The following TPSD1 variants were observed in gnomAD, a reference collection of about 807,000 sequenced individuals.
TPSD1 encodes the protein tryptase delta.
A neutral mutation model predicts 25.4 loss-of-function variants in TPSD1; 30 were observed. That is an observed-to-expected ratio of 1.18 (90% CI 0.88 to 1.60). The LOEUF (loss-of-function observed/expected upper bound fraction) is 1.60, where lower values mean the gene tolerates loss of function less well. Ranked by LOEUF, TPSD1 falls within the 40% of genes most tolerant of loss-of-function variation. The pLI, the probability that TPSD1 is intolerant of heterozygous loss-of-function variation, is 0.00. For missense variants in TPSD1, 420 were observed against 324.2 expected, an observed-to-expected ratio of 1.30 and a Z score of -2.27; for synonymous variants, 176 against 149.4, an observed-to-expected ratio of 1.18 and a Z score of -1.30.
rs1191354114 is a variant in TPSD1, at chr16:1,256,683, G to T, written c.250G>T (p.Glu84Ter). Reference protein sequence around the residue: ...QWVLTAAHCVEPDIKDLAALR... With the variant: ...QWVLTAAHCV ...GGTGCTAACCGCGGCGCACTGCGTG[G>T]AACCGTGAGTCTCCTGGGGCCTGGA... is the stretch of plus-strand genomic sequence containing the variant. Residue 84 changes from glutamate to a stop codon, truncating the protein, a stop_gained, in exon 2 of 5, where the codon GAA becomes TAA. Coordinates refer to ENST00000211076, the MANE Select transcript of TPSD1 (RefSeq NM_012217.3). LOFTEE classifies it high-confidence loss of function. 1.2e-6 allele frequency: 2 copies of T among 1,611,488 alleles called. No homozygotes were observed. The highest frequency in any genetic ancestry group is 1.7e-6 in the Non-Finnish European group (2 of 1,178,976).
chr16:1,256,862 A>T lies in TPSD1; in HGVS notation c.320A>T (p.Gln107Leu). 1 of 1,613,608 alleles carries T rather than the reference A, an allele frequency of 6.2e-7. No homozygotes were observed. Among genetic ancestry groups the T allele is most frequent in the South Asian group, 1.1e-5 (1 of 91,062 alleles). ...LREQHLYYQD[Q>L]LLPVSRIIVH... ...GAGCAGCACCTCTACTACCAGGACC[A>T]GCTGCTGCCGGTCAGCAGGATCATC... The change falls in exon 3 of 5, where the codon CAG (glutamine) becomes CTG (leucine). Residue 107 changes from glutamine to leucine, a missense_variant. Physicochemically the swap from Gln to Leu is moderately radical, Grantham distance 113. Coordinates refer to ENST00000211076, the MANE Select transcript of TPSD1 (RefSeq NM_012217.3).
chr16:1,258,441 C>G lies in TPSD1; in HGVS notation c.*65C>G, dbSNP rs1338228331. ...CAGCCCAACCGGCCTGGCATCTACA[C>G]CCGTGTCACCTACTACTTGGACTGG... On this transcript the variant is annotated 3_prime_UTR_variant, in exon 5 of 5. Coordinates refer to ENST00000211076, the MANE Select transcript of TPSD1 (RefSeq NM_012217.3). 2.5e-6 allele frequency: 4 copies of G among 1,613,638 alleles called. No individual in the cohort carries two copies. The highest frequency in any genetic ancestry group is 3.4e-6 in the Non-Finnish European group (4 of 1,179,912).
rs199943898 is a variant in TPSD1 at position 1,258,387 on chromosome 16, G to C, written c.*11G>C. 44 of 1,611,434 alleles carry C rather than the reference G, an allele frequency of 2.7e-5. No homozygotes were observed. In the African/African-American group the frequency reaches 5.4e-4, roughly 20 times the overall value. The stretch of plus-strand genomic sequence containing the variant: ...GTGAATGGCACCTAACTGCAGGCGG[G>C]CGTGGTCAGCTGGGAGGAGAGCTGT... On this transcript the variant is annotated 3_prime_UTR_variant, in exon 5 of 5. Transcript: ENST00000211076.
intron 3 of TPSD1, among the ~76,000 whole-genome samples, chr16:1,257,717 T>C (rs2031005278): frequency 6.6e-6 from 1 of 152,146 alleles, no homozygotes; most frequent in Non-Finnish European, 1.5e-5. Flanking sequence ...TCCCCTCGGC[T>C]AGGGCCAACC....
intron 3 of TPSD1, 27 bp downstream of exon 3, chr16:1,257,089 G>A (rs745919019): frequency 3.3e-5 from 52 of 1,564,878 alleles, no homozygotes; most frequent in Middle Eastern, 1.7e-4. Flanking sequence ...GCGGGAGGCC[G>A]GGCCAGGTGG....
rs537917565 is a variant in TPSD1 at position 1,257,659 on chromosome 16, C to G, written c.521-400C>G. ...TCAGAAGGGGCCTGAGCCACTGTCC[C>G]GCTATTCCGCCCCACACAGCGGGGA... On this transcript the variant is annotated intron_variant, in intron 3 of 4. Coordinates refer to ENST00000211076, the MANE Select transcript of TPSD1 (RefSeq NM_012217.3). Among the ~76,000 whole-genome samples the G allele has an allele frequency of 2.4e-3, 361 of 152,316 alleles. 3 individuals are homozygous for G. Among genetic ancestry groups the G allele is most frequent in the African/African-American group, 8.3e-3 (343 of 41,558 alleles).
At chr16:1,256,750 C>A (rs764789559) in intron 2 of TPSD1, 47 bp from the exon 3 acceptor site, 3 of 1,612,014 alleles carry the variant, frequency 1.9e-6, no homozygotes, top group Non-Finnish European at 2.5e-6. Flanking sequence ...CTCCCGGGTG[C>A]TCCTGGGGGC....
In TPSD1 at chr16:1,258,357, G is replaced by T; in HGVS notation, c.710G>T (p.Cys237Phe). The T allele has an allele frequency of 6.2e-7, 1 of 1,608,018 alleles. No homozygotes were observed. The highest frequency in any genetic ancestry group is 8.5e-7 in the Non-Finnish European group (1 of 1,179,854). ...GGTGACTCTGGAGGGCCCCTGGTCT[G>T]CAAGGTGAATGGCACCTAACTGCAG... ...CQGDSGGPLV[C>F]KVNGT The change falls in exon 5 of 5, where the codon TGC becomes TTC. Residue 237 changes from cysteine (C) to phenylalanine (F), a missense_variant. By Grantham distance (205) the Cys-to-Phe change is radical. Coordinates refer to ENST00000211076, the MANE Select transcript of TPSD1 (RefSeq NM_012217.3).
Position 1,256,542 on chromosome 16 carries a change from G to A in TPSD1, c.109G>A (p.Gly37Ser). ...PAPGQALQQT[G>S]IVGGQEAPRS... ...CCCAGGCCAGGCCCTGCAGCAAACG[G>A]GCATTGTTGGGGGGCAGGAGGCCCC... Residue 37 changes from glycine to serine, a missense_variant, in exon 2 of 5, where the codon GGC (glycine) becomes AGC (serine). Transcript: ENST00000211076. 1 of 1,602,420 alleles carries A rather than the reference G, an allele frequency of 6.2e-7. No individual in the cohort carries two copies. Among genetic ancestry groups the A allele is most frequent in the Non-Finnish European group, 8.5e-7 (1 of 1,177,462 alleles).
In TPSD1 at chr16:1,258,672, CCCCATCCTGAG is replaced by C. The variant is rs2141449811; in HGVS notation, c.*300_*310del. 5 of 470,110 alleles carry C rather than the reference CCCCATCCTGAG, an allele frequency of 1.1e-5. No individual in the cohort carries two copies. The highest frequency in any genetic ancestry group is 5.4e-4 in the Middle Eastern group (1 of 1,860). The allele number at this position is 470,110 out of a possible 1,614,324, so 29.1% of individuals were successfully genotyped here. On this transcript the variant is annotated 3_prime_UTR_variant, in exon 5 of 5. Transcript: ENST00000211076. ...CCCCCTCCCCTTTCTTGATCCCCTCCCCCATCCTGAGCCCCTCCCCCACCCTGAGCCCCTTC... is the reference window on the plus strand; with the variant it reads ...CCCCCTCCCCTTTCTTGATCCCCTCCCCCCTCCCCCACCCTGAGCCCCTTC...
chr16:1,258,366 A>G lies in TPSD1; in HGVS notation c.719A>G (p.Asn240Ser), dbSNP rs773433891. The stretch of plus-strand genomic sequence containing the variant: ...GGAGGGCCCCTGGTCTGCAAGGTGA[A>G]TGGCACCTAACTGCAGGCGGGCGTG... ...DSGGPLVCKV[N>S]GT The change falls in exon 5 of 5, where the codon AAT becomes AGT. Residue 240 changes from asparagine (N) to serine (S), a missense_variant. Asn to Ser is a conservative substitution (Grantham distance 46). Coordinates refer to ENST00000211076, the MANE Select transcript of TPSD1 (RefSeq NM_012217.3). The G allele has an allele frequency of 5.6e-6, 9 of 1,613,378 alleles. No individual in the cohort carries two copies. Among genetic ancestry groups the G allele is most frequent in the South Asian group, 3.3e-5 (3 of 91,082 alleles).
At position 1,258,222 on chromosome 16, in the gene TPSD1, G is replaced by T. The variant is rs1200516157; in HGVS notation, c.684G>T (p.Gln228His). The T allele has an allele frequency of 6.2e-7, 1 of 1,613,040 alleles. No homozygotes were observed. The highest frequency in any genetic ancestry group is 8.5e-7 in the Non-Finnish European group (1 of 1,179,826). ...CAGSENHDSC[Q>H]GDSGGPLVCK... is the part of the protein sequence containing the mutation. ...GGAGCGAAAATCACGACTCCTGCCAGGTGGGCCCTCGCGTCCCCCACCCCA... is the reference window on the plus strand; with the variant it reads ...GGAGCGAAAATCACGACTCCTGCCATGTGGGCCCTCGCGTCCCCCACCCCA... Residue 228 changes from glutamine (Q) to histidine (H), a missense_variant and splice_region_variant, in exon 4 of 5, where the codon CAG (glutamine) becomes CAT (histidine). Gln to His is a conservative substitution (Grantham distance 24). Transcript: ENST00000211076.
At chr16:1,256,415 G>A (rs539926282) in intron 1 of TPSD1, 53 bp downstream of exon 1, 3 of 1,611,082 alleles carry the variant, frequency 1.9e-6, no homozygotes, top group African/African-American at 1.3e-5. Context: ...ACAGATCAGG[G>A]CCTGGGTGGG....
Position 1,258,198 on chromosome 16 carries a change from G to C in TPSD1, c.660G>C (p.Gly220=), listed in dbSNP as rs377551787. The part of the protein sequence containing the change: ...QIVRDDMLCA[G]SENHDSCQGD... ...TCCGCGATGACATGCTGTGTGCGGG[G>C]AGCGAAAATCACGACTCCTGCCAGG... The change falls in exon 4 of 5, where the codon GGG becomes GGC. Residue 220 remains glycine (G), a synonymous_variant. Coordinates refer to ENST00000211076, the MANE Select transcript of TPSD1 (RefSeq NM_012217.3). 7.9e-5 allele frequency: 128 copies of C among 1,612,162 alleles called. No individual in the cohort carries two copies. Among genetic ancestry groups the C allele is most frequent in the Admixed American group, 3.3e-5 (2 of 59,926 alleles).
chr16:1,258,611 C>A lies in TPSD1; in HGVS notation c.*235C>A. On this transcript the variant is annotated 3_prime_UTR_variant, in exon 5 of 5. Coordinates refer to ENST00000211076, the MANE Select transcript of TPSD1 (RefSeq NM_012217.3). ...CCCACACCTTCCCCCATCCTGAGTC[C>A]CCTCTCCCATCCTGAGCCCTGTCCC... is the stretch of plus-strand genomic sequence containing the variant. The A allele has an allele frequency of 8.1e-7, 1 of 1,239,610 alleles. No homozygotes were observed. The highest frequency in any genetic ancestry group is 1.1e-6 in the Non-Finnish European group (1 of 887,348). 76.8% of individuals were successfully genotyped at this position (1,239,610 alleles called of 1,614,324 possible).
At chr16:1,257,086 G>T in intron 3 of TPSD1, 24 bp downstream of exon 3, 1 of 1,574,136 alleles carries the variant, frequency 6.4e-7, no homozygotes, top group Non-Finnish European at 8.6e-7. Context: ...ACAGCGGGAG[G>T]CCGGGCCAGG....
intron 3 of TPSD1, 49 bp from the exon 4 acceptor site, chr16:1,258,010 A>G: frequency 6.5e-7 from 1 of 1,540,200 alleles, no homozygotes. Context: ...TCCACGAAGC[A>G]GCACCCAGCC....
intron 4 of TPSD1, 22 bp from the exon 5 acceptor site, chr16:1,258,310 C>T (rs1567578565): frequency 6.2e-7 from 1 of 1,613,198 alleles, no homozygotes; most frequent in South Asian, 1.1e-5. Context: ...GGCCAGCGAG[C>T]ACTGACCTCT....
At chr16:1,256,421 G>A (rs1317556319) in intron 1 of TPSD1, 59 bp downstream of exon 1, 14 of 1,610,872 alleles carry the variant, frequency 8.7e-6, no homozygotes, top group South Asian at 1.1e-5. Flanking sequence ...CAGGGCCTGG[G>A]TGGGTTCTGG....
Sources: gnomAD v4.1 joint callset for allele counts (sites outside exome capture counted in the v4.1 genomes callset) on GRCh38, gnomAD v4.1.1 for gene constraint, MANE v1.5 for transcripts, NCBI Gene and HGNC (gene_info 2026-07-23, HGNC 2026-07-21) for gene names.